CDH9: variants seen among roughly 807,000 people sequenced by gnomAD.
The protein encoded by CDH9 is cadherin 9.
Under a neutral mutation model 70.9 loss-of-function variants are expected in CDH9, and 28 were observed. That is an observed-to-expected ratio of 0.40 (90% CI 0.29 to 0.54). CDH9 has a LOEUF of 0.54. CDH9 is among the 20% of genes least tolerant of loss of function. CDH9 has a pLI of 0.59. For synonymous variants in CDH9, 409 were observed against 343.1 expected (o/e 1.19, Z -2.12); for missense variants, 874 against 984.4 (o/e 0.89, Z 1.50).
intron 9 of CDH9, among the ~76,000 whole-genome samples, chr5:26,886,770 T>C (rs1740573438): frequency 6.6e-6 from 1 of 152,100 alleles, no homozygotes; most frequent in Non-Finnish European, 1.5e-5. Flanking sequence ...CTAGTGTAAG[T>C]AAATAAGAAG....
chr5:26,903,727 C>A lies in CDH9; in HGVS notation c.909G>T (p.Met303Ile). 1 of 1,606,278 alleles carries A rather than the reference C, an allele frequency of 6.2e-7. No individual in the cohort carries two copies. Among genetic ancestry groups the A allele is most frequent in the Non-Finnish European group, 8.5e-7 (1 of 1,174,558 alleles). ...CATCTCCTTCAGCAATGCTATACTC[C>A]ATTTCTGCATTTTCCCCCACGTCAG... Reference protein sequence around the residue: ...NDPDVGENAEMEYSIAEGDGA... With the variant: ...NDPDVGENAEIEYSIAEGDGA... The change falls in exon 6 of 12, where the codon ATG (methionine) becomes ATT (isoleucine). Residue 303 changes from methionine to isoleucine, a missense_variant. By Grantham distance (10) the Met-to-Ile change is conservative (BLOSUM62 1). Coordinates refer to ENST00000231021, the MANE Select transcript of CDH9 (RefSeq NM_016279.4).
At position 26,885,625 on chromosome 5, in the gene CDH9, A is replaced by G. The variant is rs1169145838; in HGVS notation, c.1871T>C (p.Leu624Pro). The G allele has an allele frequency of 3.7e-6, 6 of 1,612,946 alleles. No individual in the cohort carries two copies. The highest frequency in any genetic ancestry group is 3.3e-5 in the Admixed American group (2 of 59,898). The change falls in exon 11 of 12, where the codon CTC (leucine) becomes CCC (proline). Residue 624 changes from leucine (L) to proline (P), a missense_variant. Leu to Pro is a moderately conservative substitution (Grantham distance 98). Transcript: ENST00000231021. ...GALVAILLCV[L>P]ILLILVVLFA... is the part of the protein sequence containing the mutation. ...GGGGCAGAGCTTACTAAGCAGTATG[A>G]GGACACAGAGTAGAATCGCAACGAG... is the stretch of plus-strand genomic sequence containing the variant.
At chr5:26,918,969 G>C (rs998380732) in intron 2 of CDH9, among the ~76,000 whole-genome samples, 1 of 152,104 alleles carries the variant, frequency 6.6e-6, no homozygotes, top group Non-Finnish European at 1.5e-5. Context: ...AAACATCTGA[G>C]TTTAACATCT....
rs146426429 is a variant in CDH9 at position 27,001,071 on chromosome 5, A to C, written c.-49-12689T>G. Among the ~76,000 whole-genome samples, 266 of 152,218 alleles carry C rather than the reference A, an allele frequency of 1.7e-3. 9 individuals are homozygous for C. In the East Asian group the frequency reaches 0.049, roughly 28 times the overall value. On this transcript the variant is annotated intron_variant, in intron 1 of 11. Coordinates refer to ENST00000231021, the MANE Select transcript of CDH9 (RefSeq NM_016279.4). Reference sequence around the variant, plus strand: ...TTATGCACTTACCAAAACCCACAGAACTTTATATAAAGGCTTATTATGAAT... The same window carrying C: ...TTATGCACTTACCAAAACCCACAGACCTTTATATAAAGGCTTATTATGAAT...
At chr5:26,915,554 T>A in intron 3 of CDH9, 76 bp downstream of exon 3, 1 of 854,244 alleles carries the variant, frequency 1.2e-6, no homozygotes, top group Non-Finnish European at 1.9e-6. Flanking sequence ...CCACATATCA[T>A]AACCACAAGT....
chr5:26,933,370 G>C (rs1297745570), intron 2 of CDH9, among the ~76,000 whole-genome samples: 2 of 151,378 alleles, frequency 1.3e-5, no homozygotes, highest in African/African-American at 2.4e-5. Flanking sequence ...AAAATAAATA[G>C]GAAAAAGGGA....
At chr5:27,015,989 A>G (rs1178430232) in intron 1 of CDH9, among the ~76,000 whole-genome samples, 1 of 151,878 alleles carries the variant, frequency 6.6e-6, no homozygotes, top group East Asian at 1.9e-4. Flanking sequence ...TTGTACAGAC[A>G]AAGACAAATT....
intron 11 of CDH9, among the ~76,000 whole-genome samples, chr5:26,884,137 C>A (rs1375416104): frequency 6.6e-6 from 1 of 152,018 alleles, no homozygotes; most frequent in South Asian, 2.1e-4. Flanking sequence ...GAAATTAGTG[C>A]TTTCCATATT....
chr5:26,967,077 C>T (rs909922382), intron 2 of CDH9, among the ~76,000 whole-genome samples: 1 of 152,016 alleles, frequency 6.6e-6, no homozygotes, highest in African/African-American at 2.4e-5. Flanking sequence ...GGACCACATA[C>T]ATGCCACACC....
At chr5:26,989,127 T>C (rs1029707938) in intron 1 of CDH9, among the ~76,000 whole-genome samples, 13 of 152,028 alleles carry the variant, frequency 8.6e-5, no homozygotes, top group African/African-American at 2.7e-4. Context: ...AACTTGATAT[T>C]GCAAAATTAG....
intron 1 of CDH9, among the ~76,000 whole-genome samples, chr5:27,032,097 T>C (rs1424543483): frequency 6.6e-6 from 1 of 151,802 alleles, no homozygotes; most frequent in African/African-American, 2.4e-5. Context: ...TGTCTATATA[T>C]AGAGATATGT....
chr5:26,946,747 G>C (rs1741761349), intron 2 of CDH9, among the ~76,000 whole-genome samples: 1 of 152,082 alleles, frequency 6.6e-6, no homozygotes, highest in Non-Finnish European at 1.5e-5. Flanking sequence ...TGATTCTGTG[G>C]CTACTTGGGA....
intron 1 of CDH9, among the ~76,000 whole-genome samples, chr5:26,988,621 A>T (rs1320614495): frequency 6.6e-6 from 1 of 152,014 alleles, no homozygotes; most frequent in Non-Finnish European, 1.5e-5. Flanking sequence ...AATTACTATA[A>T]AACAATCAGA....
chr5:26,901,946 A>G (rs1324158711), intron 7 of CDH9, among the ~76,000 whole-genome samples: 1 of 151,872 alleles, frequency 6.6e-6, no homozygotes, highest in Non-Finnish European at 1.5e-5. Context: ...AAAAATTTTG[A>G]TATGTGTTAG....
intron 7 of CDH9, among the ~76,000 whole-genome samples, chr5:26,901,358 T>C (rs902695890): frequency 6.6e-6 from 1 of 151,912 alleles, no homozygotes; most frequent in African/African-American, 2.4e-5. Flanking sequence ...AACTACACAT[T>C]GGATTTTATG....
intron 2 of CDH9, among the ~76,000 whole-genome samples, chr5:26,938,872 A>G (rs1028110332): frequency 6.6e-6 from 1 of 152,124 alleles, no homozygotes; most frequent in Admixed American, 6.5e-5. Flanking sequence ...GTATGATTCC[A>G]ATTATATAAA....
intron 2 of CDH9, among the ~76,000 whole-genome samples, chr5:26,952,634 C>CAA (rs35876875): frequency 0.12 from 7,132 of 57,330 alleles, 854 homozygotes; most frequent in African/African-American, 0.2. Context: ...GACTCCGTCT[C>CAA]AAAAAAAAAA....
At chr5:26,884,814 T>C (rs1740532360) in intron 11 of CDH9, among the ~76,000 whole-genome samples, 1 of 152,138 alleles carries the variant, frequency 6.6e-6, no homozygotes. Flanking sequence ...AAACAATTTT[T>C]TGGGGAATGT....
At chr5:26,939,574 C>T (rs993576452) in intron 2 of CDH9, among the ~76,000 whole-genome samples, 1 of 151,670 alleles carries the variant, frequency 6.6e-6, no homozygotes, top group African/African-American at 2.4e-5. Flanking sequence ...GAAATATTAA[C>T]TCCTAATCGA....
Sources: gnomAD v4.1 joint callset for allele counts (sites outside exome capture counted in the v4.1 genomes callset) on GRCh38, gnomAD v4.1.1 for gene constraint, MANE v1.5 for transcripts, NCBI Gene and HGNC (gene_info 2026-07-23, HGNC 2026-07-21) for gene names.